C8orf34: variants seen among roughly 807,000 people sequenced by gnomAD.
C8orf34 encodes uncharacterized protein C8orf34.
Under a neutral mutation model 68.3 loss-of-function variants are expected in C8orf34, and 65 were observed. The ratio of observed to expected loss-of-function variants is 0.95; its 90% confidence interval spans 0.78 to 1.17. The LOEUF (loss-of-function observed/expected upper bound fraction) is 1.17. Ranked by LOEUF, C8orf34 falls within the 50% of genes most tolerant of loss-of-function variation. C8orf34 has a pLI of 0.00. For missense variants in C8orf34, 664 were observed against 655.4 expected, an observed-to-expected ratio of 1.01 and a Z score of -0.14; for synonymous variants, 244 against 241.2, an observed-to-expected ratio of 1.01 and a Z score of -0.11.
At chr8:68,622,340 G>A (rs1818412155) in intron 7 of C8orf34, among the ~76,000 whole-genome samples, 1 of 152,148 alleles carries the variant, frequency 6.6e-6, no homozygotes, top group East Asian at 1.9e-4. Context: ...AATGAGGGAG[G>A]AAAGCAGGGA....
chr8:68,478,418 T>A (rs1349680205), intron 4 of C8orf34, among the ~76,000 whole-genome samples: 2 of 152,178 alleles, frequency 1.3e-5, no homozygotes, highest in Non-Finnish European at 2.9e-5. Context: ...TCTAGGAATT[T>A]CCAAACTTTC....
intron 7 of C8orf34, among the ~76,000 whole-genome samples, chr8:68,595,120 TA>T (rs369079634): frequency 1.7e-3 from 224 of 133,446 alleles, no homozygotes; most frequent in Middle Eastern, 4.0e-3. Flanking sequence ...TTAAAAATGG[TA>T]AAAAAAAAAA....
At chr8:68,605,637 A>G (rs945938745) in intron 7 of C8orf34, among the ~76,000 whole-genome samples, 1 of 152,124 alleles carries the variant, frequency 6.6e-6, no homozygotes, top group Non-Finnish European at 1.5e-5. Flanking sequence ...AAGACTAGGT[A>G]CTGTATGATT....
chr8:68,369,537 T>G (rs553088814), intron 1 of C8orf34, among the ~76,000 whole-genome samples: 9 of 152,308 alleles, frequency 5.9e-5, no homozygotes, highest in African/African-American at 1.9e-4. Context: ...ATATAATGTA[T>G]CAGAAGTTGG....
At chr8:68,641,873 C>T (rs962580186) in intron 8 of C8orf34, among the ~76,000 whole-genome samples, 2 of 152,102 alleles carry the variant, frequency 1.3e-5, no homozygotes. Context: ...CAGAACTTAA[C>T]AGAATTTTTC....
intron 7 of C8orf34, among the ~76,000 whole-genome samples, chr8:68,553,556 A>G (rs1012674307): frequency 6.6e-6 from 1 of 151,862 alleles, no homozygotes; most frequent in Non-Finnish European, 1.5e-5. Flanking sequence ...GCCTATTCAG[A>G]TTTTATATTT....
intron 7 of C8orf34, among the ~76,000 whole-genome samples, chr8:68,561,942 T>C (rs1816444086): frequency 6.6e-6 from 1 of 152,182 alleles, no homozygotes; most frequent in African/African-American, 2.4e-5. Flanking sequence ...AATGCCTTCT[T>C]TTGGAATAAA....
rs753578060 is a variant in C8orf34, at chr8:68,426,518, C to CAAA, written c.328-12960_328-12958dup. Among the ~76,000 whole-genome samples, 29 of 29,592 alleles carry CAAA rather than the reference C, an allele frequency of 9.8e-4. 1 individual carries two copies. Among genetic ancestry groups the CAAA allele is most frequent in the African/African-American group, 2.4e-3 (23 of 9,772 alleles). The allele number at this position is 29,592 out of a possible 152,430, so 19.4% of individuals were successfully genotyped here. On this transcript the variant is annotated intron_variant, in intron 1 of 13. Coordinates refer to ENST00000518698, the MANE Select transcript of C8orf34 (RefSeq NM_052958.4). ...TGAGTGACAGAATAAGACCTTGTCTCAAAAAAAAAAAAAAAAAAAAAAAGA... is the reference window on the plus strand; with the variant it reads ...TGAGTGACAGAATAAGACCTTGTCTCAAAAAAAAAAAAAAAAAAAAAAAAAAGA...
chr8:68,763,138 A>C (rs1003986797), intron 10 of C8orf34, among the ~76,000 whole-genome samples: 1 of 152,196 alleles, frequency 6.6e-6, no homozygotes, highest in Non-Finnish European at 1.5e-5. Context: ...ATGCTACAAT[A>C]GTCTTGGACT....
Position 68,455,297 on chromosome 8 carries a change from G to A in C8orf34, c.607+8837G>A, listed in dbSNP as rs556339523. 1.4e-4 allele frequency among the ~76,000 whole-genome samples: 22 copies of A among 152,110 alleles called. No individual in the cohort carries two copies. The South Asian group carries it at 4.4e-3, about 30-fold the overall frequency. ...GTTCAAGTCCTTCATGTCTTTATTG[G>A]TCTTCCTTCTATTTGCTCCGTTATC... On this transcript the variant is annotated intron_variant, in intron 3 of 13. Transcript: ENST00000518698.
At chr8:68,464,302 A>G (rs1053005564) in intron 3 of C8orf34, among the ~76,000 whole-genome samples, 13 of 152,204 alleles carry the variant, frequency 8.5e-5, no homozygotes, top group African/African-American at 3.1e-4. Context: ...ATAAAAGAGG[A>G]TACAAACAAA....
chr8:68,370,055 A>C (rs906336457), intron 1 of C8orf34, among the ~76,000 whole-genome samples: 1 of 152,148 alleles, frequency 6.6e-6, no homozygotes, highest in Admixed American at 6.5e-5. Flanking sequence ...CAACTTTGGG[A>C]AAGATATCCT....
intron 1 of C8orf34, among the ~76,000 whole-genome samples, chr8:68,362,559 C>T (rs941438002): frequency 3.3e-5 from 5 of 152,174 alleles, no homozygotes; most frequent in African/African-American, 9.7e-5. Flanking sequence ...GATCTGAGAA[C>T]GGGCAGACTG....
At chr8:68,708,964 A>T in intron 8 of C8orf34, 30 bp from the exon 9 acceptor site, 1 of 1,479,968 alleles carries the variant, frequency 6.8e-7, no homozygotes, top group South Asian at 1.2e-5. Context: ...ACATTATGAG[A>T]TGTTTCAATG....
intron 3 of C8orf34, among the ~76,000 whole-genome samples, chr8:68,465,104 G>GA (rs1414801076): frequency 6.7e-6 from 1 of 150,228 alleles, no homozygotes; most frequent in African/African-American, 2.4e-5. Flanking sequence ...AAATTTACAA[G>GA]AAAAAAACAA....
intron 6 of C8orf34, chr8:68,525,782 T>TTAA: frequency 1.8e-6 from 1 of 558,924 alleles, no homozygotes; most frequent in Non-Finnish European, 3.4e-6. Flanking sequence ...GTAGCCATGC[T>TTAA]TCATCACAGT....
chr8:68,437,947 A>G (rs1401234116), intron 1 of C8orf34: 1 of 152,158 alleles, frequency 6.6e-6, no homozygotes, highest in East Asian at 1.9e-4. Flanking sequence ...ACACTTAAAA[A>G]TGTAAATAAA....
At chr8:68,570,739 G>A (rs1816738719) in intron 7 of C8orf34, among the ~76,000 whole-genome samples, 1 of 152,130 alleles carries the variant, frequency 6.6e-6, no homozygotes, top group Non-Finnish European at 1.5e-5. Flanking sequence ...AAGCAATGTG[G>A]AATCTCAGTG....
At chr8:68,452,941 A>G (rs967058979) in intron 3 of C8orf34, among the ~76,000 whole-genome samples, 9 of 151,840 alleles carry the variant, frequency 5.9e-5, no homozygotes, top group African/African-American at 2.2e-4. Context: ...TAATTTTTGC[A>G]TATAGCAGAT....
Sources: gnomAD v4.1 joint callset for allele counts (sites outside exome capture counted in the v4.1 genomes callset) on GRCh38, gnomAD v4.1.1 for gene constraint, MANE v1.5 for transcripts, NCBI Gene and HGNC (gene_info 2026-07-23, HGNC 2026-07-21) for gene names.